Variants in SMC5 observed in about 807,000 individuals in gnomAD.
The protein encoded by SMC5 is structural maintenance of chromosomes 5.
SMC5 carries 88 observed loss-of-function variants against 148.3 expected under a neutral mutation model. The ratio of observed to expected loss-of-function variants is 0.59; its 90% confidence interval spans 0.50 to 0.71. The LOEUF is 0.71. Ranked by LOEUF, SMC5 falls within the 30% of genes least tolerant of loss-of-function variation. SMC5 has a pLI of 0.00. For missense variants in SMC5, 1,142 were observed against 1,298.9 expected, an observed-to-expected ratio of 0.88 and a Z score of 1.86; for synonymous variants, 421 against 432.8, an observed-to-expected ratio of 0.97 and a Z score of 0.34.
chr9:70,273,361 C>G (rs1180110), intron 3 of SMC5, among the ~76,000 whole-genome samples: 2 of 151,634 alleles, frequency 1.3e-5, no homozygotes, highest in Non-Finnish European at 2.9e-5. Context: ...GACATGAATA[C>G]CATCCTCTTA....
rs1482377058 is a variant in SMC5 at position 70,282,646 on chromosome 9, T to C, written c.981+63T>C. Reference sequence around the variant, plus strand: ...ATTTTAGCAAATATAAAAAATATTTTGCAGGTGTTTGAAAATATTTTCAAG... The same window carrying C: ...ATTTTAGCAAATATAAAAAATATTTCGCAGGTGTTTGAAAATATTTTCAAG... On this transcript the variant is annotated intron_variant, in intron 7 of 24. Coordinates refer to ENST00000361138, the MANE Select transcript of SMC5 (RefSeq NM_015110.4). 4 of 1,460,514 alleles carry C rather than the reference T, an allele frequency of 2.7e-6. No homozygotes were observed. The East Asian group carries it at 9.9e-5, about 36-fold the overall frequency. The allele number at this position is 1,460,514 out of a possible 1,614,324, so 90.5% of individuals were successfully genotyped here.
intron 11 of SMC5, among the ~76,000 whole-genome samples, chr9:70,307,405 G>A (rs192333777): frequency 2.9e-4 from 44 of 152,174 alleles, no homozygotes; most frequent in East Asian, 1.2e-3. Context: ...TTATTAGTTA[G>A]CATTCTACCT....
chr9:70,342,233 C>T (rs1283996450), intron 17 of SMC5, among the ~76,000 whole-genome samples: 1 of 109,548 alleles, frequency 9.1e-6, no homozygotes, highest in African/African-American at 3.7e-5. Flanking sequence ...AGTCTGGGGA[C>T]TGTTGTGGGG....
At position 70,316,249 on chromosome 9, in the gene SMC5, T is replaced by G. The variant is rs150197917; in HGVS notation, c.1806+671T>G. ...GGTTTTTCCAGTATTAATACCAAGT[T>G]GCTGTATTACTGCTTATGAGCATCT... On this transcript the variant is annotated intron_variant, in intron 13 of 24. Transcript: ENST00000361138. Among the ~76,000 whole-genome samples the G allele has an allele frequency of 2.6e-3, 392 of 152,182 alleles. 1 individual carries two copies. The highest frequency in any genetic ancestry group is 9.1e-3 in the African/African-American group (378 of 41,564).
At chr9:70,271,081 TC>T (rs2118047511) in intron 3 of SMC5, among the ~76,000 whole-genome samples, 1 of 150,594 alleles carries the variant, frequency 6.6e-6, no homozygotes, top group South Asian at 2.1e-4. Flanking sequence ...AATCTGAAAA[TC>T]TGAAATATGA....
intron 3 of SMC5, among the ~76,000 whole-genome samples, chr9:70,273,172 C>CA (rs914173099): frequency 2.1e-5 from 3 of 144,182 alleles, no homozygotes; most frequent in Non-Finnish European, 4.5e-5. Flanking sequence ...GGGTGTCTTG[C>CA]AAAAAAAATC....
intron 5 of SMC5, among the ~76,000 whole-genome samples, chr9:70,279,946 T>C (rs1010237684): frequency 1.3e-5 from 2 of 151,974 alleles, no homozygotes; most frequent in Non-Finnish European, 2.9e-5. Context: ...AGCATAGAAA[T>C]CTTGTAACCA....
chr9:70,315,612 T>G, intron 13 of SMC5, 34 bp downstream of exon 13: 1 of 1,441,462 alleles, frequency 6.9e-7, no homozygotes, highest in Non-Finnish European at 9.2e-7. Context: ...CTGAATCATG[T>G]ACCAAAAATG....
chr9:70,283,021 C>G (rs576013226), intron 7 of SMC5, among the ~76,000 whole-genome samples: 1 of 152,242 alleles, frequency 6.6e-6, no homozygotes, highest in East Asian at 1.9e-4. Flanking sequence ...TGGCTTCTAA[C>G]CTTCGGTGGA....
At chr9:70,336,861 A>G (rs918105495) in intron 17 of SMC5, among the ~76,000 whole-genome samples, 2 of 152,174 alleles carry the variant, frequency 1.3e-5, no homozygotes, top group African/African-American at 4.8e-5. Flanking sequence ...ATAAAGACAT[A>G]CCCGAGACTG....
intron 1 of SMC5, among the ~76,000 whole-genome samples, 171 bp downstream of exon 1, chr9:70,259,434 T>A (rs80312184): frequency 0.012 from 1,811 of 152,282 alleles, 25 homozygotes; most frequent in African/African-American, 0.04. Flanking sequence ...CTGTGGAGAT[T>A]GACGTGTATG....
intron 1 of SMC5, among the ~76,000 whole-genome samples, chr9:70,259,497 G>A (rs1314342115): frequency 6.6e-6 from 1 of 152,226 alleles, no homozygotes; most frequent in Non-Finnish European, 1.5e-5. Flanking sequence ...AGTCAGCCAA[G>A]GTTTTCCAAA....
intron 7 of SMC5, among the ~76,000 whole-genome samples, chr9:70,284,779 T>C (rs928549330): frequency 6.6e-6 from 1 of 152,226 alleles, no homozygotes; most frequent in African/African-American, 2.4e-5. Context: ...AAAGTAGTTA[T>C]TAGCACCCAT....
intron 2 of SMC5, among the ~76,000 whole-genome samples, chr9:70,267,669 C>T (rs148783572): frequency 2.6e-5 from 4 of 152,114 alleles, no homozygotes; most frequent in African/African-American, 7.2e-5. Context: ...GGCTTTGTCA[C>T]GAGGTTGGTA....
At position 70,274,174 on chromosome 9, in the gene SMC5, C is replaced by T. The variant is rs550419929; in HGVS notation, c.381-3136C>T. Among the ~76,000 whole-genome samples, 4 of 152,204 alleles carry T rather than the reference C, an allele frequency of 2.6e-5. No individual in the cohort carries two copies. In the South Asian group the frequency reaches 8.3e-4, roughly 32 times the overall value. On this transcript the variant is annotated intron_variant, in intron 3 of 24. Coordinates refer to ENST00000361138, the MANE Select transcript of SMC5 (RefSeq NM_015110.4). ...TCGGCTCACTGCAGGCTCCGCCTCC[C>T]GGGTTCACGCCATTTTCCTGCCTCA...
intron 7 of SMC5, among the ~76,000 whole-genome samples, chr9:70,285,049 A>T (rs962440954): frequency 6.6e-6 from 1 of 152,302 alleles, no homozygotes; most frequent in Admixed American, 6.5e-5. Context: ...GGTGAGGACA[A>T]TAATAGTAAT....
At position 70,292,052 on chromosome 9, in the gene SMC5, A is replaced by G. The variant is rs142793374; in HGVS notation, c.1053+5781A>G. Reference sequence around the variant, plus strand: ...GATTCAGCCATTTTTCTTGAATAACAGCTTCCCAGATTGTTACAAGCATTT... The same window carrying G: ...GATTCAGCCATTTTTCTTGAATAACGGCTTCCCAGATTGTTACAAGCATTT... On this transcript the variant is annotated intron_variant, in intron 8 of 24. Coordinates refer to ENST00000361138, the MANE Select transcript of SMC5 (RefSeq NM_015110.4). 3.9e-3 allele frequency among the ~76,000 whole-genome samples: 599 copies of G among 152,306 alleles called. 3 individuals are homozygous for G. The highest frequency in any genetic ancestry group is 0.013 in the African/African-American group (554 of 41,564).
At chr9:70,321,073 CTG>C (rs2035931734) in intron 15 of SMC5, among the ~76,000 whole-genome samples, 1 of 152,190 alleles carries the variant, frequency 6.6e-6, no homozygotes, top group Admixed American at 6.5e-5. Flanking sequence ...CCCCAGGAGT[CTG>C]TAGACCGGAC....
intron 24 of SMC5, among the ~76,000 whole-genome samples, chr9:70,350,779 T>C (rs189131247): frequency 6.6e-6 from 1 of 152,296 alleles, no homozygotes; most frequent in Non-Finnish European, 1.5e-5. Context: ...TGGCTCTTCA[T>C]TTTCCCAAAA....
Sources: allele counts gnomAD v4.1 joint callset (sites outside exome capture counted in the v4.1 genomes callset), GRCh38; gene constraint gnomAD v4.1.1; transcripts MANE v1.5; gene names NCBI Gene and HGNC (gene_info 2026-07-23, HGNC 2026-07-21).